ARID5B: variants seen among roughly 807,000 people sequenced by gnomAD.
ARID5B encodes AT-rich interaction domain 5B, also known as AT-rich interactive domain-containing protein 5B.
In ARID5B, 13 loss-of-function variants were observed where a neutral mutation model predicts 97.2. That is an observed-to-expected ratio of 0.13 (90% CI 0.09 to 0.21). The LOEUF (loss-of-function observed/expected upper bound fraction) is 0.21. Among genes scored for constraint, ARID5B ranks in the 10% least tolerant of loss-of-function variants. The pLI is 1.00. For synonymous variants in ARID5B, 556 were observed against 570.3 expected (o/e 0.97, Z 0.36); for missense variants, 1,210 against 1,465.3 (o/e 0.83, Z 2.84).
chr10:61,932,221 T>C (rs903676303), intron 2 of ARID5B, among the ~76,000 whole-genome samples: 4 of 152,074 alleles, frequency 2.6e-5, no homozygotes, highest in Admixed American at 6.6e-5. Context: ...AAAAAAAAAG[T>C]ACATACCATA....
chr10:62,051,687 A>G (rs1839792898), intron 5 of ARID5B, among the ~76,000 whole-genome samples: 1 of 152,228 alleles, frequency 6.6e-6, no homozygotes, highest in African/African-American at 2.4e-5. Flanking sequence ...GACAAAGGGT[A>G]AAGTATCACT....
chr10:62,069,742 G>A lies in ARID5B; in HGVS notation c.1144G>A (p.Gly382Ser). The change falls in exon 8 of 10, where the codon GGC (glycine) becomes AGC (serine). Residue 382 changes from glycine (G) to serine (S), a missense_variant. By Grantham distance (56) the Gly-to-Ser change is moderately conservative. Around this residue, in one of 8 missense-constraint regions of ARID5B, gnomAD observed 59 missense variants for 156.7 expected, o/e 0.38. Transcript: ENST00000279873. ...RQWKHIYDEL[G>S]GNPGSTSAAT... is the part of the protein sequence containing the mutation. ...GTGGAAACATATTTATGATGAATTA[G>A]GCGGTAATCCTGGGAGCACCAGCGC... 1 of 1,614,114 alleles carries A rather than the reference G, an allele frequency of 6.2e-7. No individual in the cohort carries two copies. The highest frequency in any genetic ancestry group is 8.5e-7 in the Non-Finnish European group (1 of 1,179,992).
chr10:61,980,551 T>C (rs553134332), intron 3 of ARID5B, among the ~76,000 whole-genome samples: 1 of 152,332 alleles, frequency 6.6e-6, no homozygotes, highest in East Asian at 1.9e-4. Context: ...TATTTGTCTC[T>C]CTTAAACAAT....
chr10:62,048,735 G>A (rs1468475112), intron 4 of ARID5B, among the ~76,000 whole-genome samples: 1 of 152,196 alleles, frequency 6.6e-6, no homozygotes, highest in Non-Finnish European at 1.5e-5. Context: ...TTTAAAAACA[G>A]CATGTTCGAT....
chr10:61,983,929 G>A (rs1202900698), intron 3 of ARID5B, among the ~76,000 whole-genome samples: 1 of 19,014 alleles, frequency 5.3e-5, no homozygotes, highest in African/African-American at 1.7e-4. Flanking sequence ...CGCCCAGGCC[G>A]GACTGCGGAC....
At chr10:61,993,539 A>G (rs1370581968) in intron 3 of ARID5B, among the ~76,000 whole-genome samples, 1 of 151,848 alleles carries the variant, frequency 6.6e-6, no homozygotes, top group Non-Finnish European at 1.5e-5. Context: ...TTTTTTCTTC[A>G]TGTTACAATG....
intron 3 of ARID5B, among the ~76,000 whole-genome samples, chr10:61,989,226 G>A (rs1003818875): frequency 3.9e-5 from 6 of 152,124 alleles, no homozygotes; most frequent in Non-Finnish European, 7.3e-5. Context: ...ACCGTGTGCG[G>A]CCAGTAATCA....
At chr10:62,076,577 A>AAAAAAAAAAAAAT in intron 8 of ARID5B, among the ~76,000 whole-genome samples, 2 of 151,610 alleles carry the variant, frequency 1.3e-5, no homozygotes, top group African/African-American at 2.4e-5. Context: ...AAAAAAAAAA[A>AAAAAAAAAAAAAT]ACTACATCTA....
At chr10:61,907,437 T>G (rs1019252786) in intron 2 of ARID5B, among the ~76,000 whole-genome samples, 1 of 152,224 alleles carries the variant, frequency 6.6e-6, no homozygotes, top group East Asian at 1.9e-4. Context: ...TTAACTTTTT[T>G]AAGCCTCTGT....
At chr10:62,014,759 T>C (rs1839261737) in intron 4 of ARID5B, among the ~76,000 whole-genome samples, 1 of 152,196 alleles carries the variant, frequency 6.6e-6, no homozygotes, top group Admixed American at 6.5e-5. Context: ...ATGAAAGCTA[T>C]GAATCTTCTC....
chr10:62,077,530 CA>C (rs5785510), intron 8 of ARID5B, among the ~76,000 whole-genome samples: 50,426 of 150,922 alleles, frequency 0.33, 9,173 homozygotes, highest in Non-Finnish European at 0.41. Flanking sequence ...TGACCCCCCC[CA>C]AAAAAAAAGC....
At chr10:61,908,799 C>CAAAAAAAAAAA (rs369792859) in intron 2 of ARID5B, among the ~76,000 whole-genome samples, 2 of 50,988 alleles carry the variant, frequency 3.9e-5, no homozygotes, top group Non-Finnish European at 3.5e-5. Context: ...GACTCCATCT[C>CAAAAAAAAAAA]AAAAAAAAAA....
chr10:61,947,148 A>G (rs1838249538), intron 3 of ARID5B, among the ~76,000 whole-genome samples: 2 of 152,140 alleles, frequency 1.3e-5, no homozygotes, highest in African/African-American at 2.4e-5. Context: ...AGATTGCCTC[A>G]TGCCGTTATA....
chr10:61,942,497 T>TA (rs1244975370), intron 3 of ARID5B, among the ~76,000 whole-genome samples: 3 of 152,292 alleles, frequency 2.0e-5, no homozygotes, highest in African/African-American at 4.8e-5. Context: ...TGTGTATTGA[T>TA]AAAAAGGTTC....
At chr10:62,059,161 GA>G (rs3832683) in intron 6 of ARID5B, 81 bp from the exon 7 acceptor site, 519,747 of 1,060,284 alleles carry the variant, frequency 0.49, 127,305 homozygotes, top group Non-Finnish European at 0.54. Flanking sequence ...CTTTCTCGTT[GA>G]AAAAAAAAAT....
At position 62,085,801 on chromosome 10, in the gene ARID5B, G is replaced by C. The variant is rs768796045; in HGVS notation, c.1299G>C (p.Glu433Asp). Residue 433 changes from glutamate (E) to aspartate (D), a missense_variant, in exon 9 of 10, where the codon GAG (glutamate) becomes GAC (aspartate). This residue lies in a region of ARID5B where 59 missense variants were observed against 156.7 expected (regional missense o/e 0.38). Coordinates refer to ENST00000279873, the MANE Select transcript of ARID5B (RefSeq NM_032199.3). Reference sequence around the variant, plus strand: ...AGGAGAACAGTTCACAGGAAAATGAGAACAAAACAAAAGTATCTGGAACCA... The same window carrying C: ...AGGAGAACAGTTCACAGGAAAATGACAACAAAACAAAAGTATCTGGAACCA... ...RKQENSSQEN[E>D]NKTKVSGTKR... The C allele has an allele frequency of 6.2e-7, 1 of 1,613,890 alleles. No homozygotes were observed. Among genetic ancestry groups the C allele is most frequent in the South Asian group, 1.1e-5 (1 of 91,062 alleles).
At chr10:61,958,199 T>C (rs1838418617) in intron 3 of ARID5B, among the ~76,000 whole-genome samples, 1 of 152,216 alleles carries the variant, frequency 6.6e-6, no homozygotes, top group African/African-American at 2.4e-5. Context: ...ACGTCTTGCC[T>C]GTGAACAACA....
chr10:61,969,057 C>T (rs978235566), intron 3 of ARID5B, among the ~76,000 whole-genome samples: 1 of 152,148 alleles, frequency 6.6e-6, no homozygotes, highest in East Asian at 1.9e-4. Flanking sequence ...GATTTCTAAT[C>T]TTGCCACAAC....
At chr10:62,035,888 G>A (rs1354965844) in intron 4 of ARID5B, among the ~76,000 whole-genome samples, 1 of 151,918 alleles carries the variant, frequency 6.6e-6, no homozygotes. Context: ...GCAGTGGCAC[G>A]ATCTCGGCTC....
Sources: allele counts gnomAD v4.1 joint callset (sites outside exome capture counted in the v4.1 genomes callset), GRCh38; gene constraint gnomAD v4.1.1; regional missense constraint gnomAD v4.1.1; transcripts MANE v1.5; gene names NCBI Gene and HGNC (gene_info 2026-07-23, HGNC 2026-07-21).